SPATA9: variants seen among roughly 807,000 people sequenced by gnomAD.
SPATA9 encodes spermatogenesis-associated protein 9.
SPATA9 carries 27 observed loss-of-function variants against 25.5 expected under a neutral mutation model. That is an observed-to-expected ratio of 1.06 (90% confidence interval 0.78 to 1.46). SPATA9 has a LOEUF of 1.46. Ranked by LOEUF, SPATA9 falls within the 40% of genes most tolerant of loss-of-function variation. The probability of loss-of-function intolerance (pLI) is 0.00; values close to 1 mark genes in which losing one functional copy is unlikely to be tolerated. For synonymous variants in SPATA9, 102 were observed against 105.7 expected, an observed-to-expected ratio of 0.97 and a Z score of 0.21; for missense variants, 282 against 297.5, an observed-to-expected ratio of 0.95 and a Z score of 0.38.
chr5:95,728,168 T>C, the SPATA9 span, among the ~76,000 whole-genome samples: 1 of 152,232 alleles, frequency 6.6e-6, no homozygotes, highest in African/African-American at 2.4e-5. Context: ...GGTGAGTATG[T>C]AGCCAGGCTT....
chr5:95,670,531 C>A (rs1000440996), intron 3 of SPATA9: 3 of 152,226 alleles, frequency 2.0e-5, no homozygotes, highest in African/African-American at 7.2e-5. Context: ...CACTTACCTT[C>A]TTACAGCTAA....
the SPATA9 span, chr5:95,731,938 T>C: frequency 1.2e-6 from 2 of 1,614,104 alleles, no homozygotes; most frequent in Non-Finnish European, 1.7e-6. Flanking sequence ...TATCCGCACT[T>C]ACCTGGGGAG....
intron 1 of SPATA9, among the ~76,000 whole-genome samples, chr5:95,688,444 G>A (rs1392671412): frequency 1.3e-5 from 2 of 152,104 alleles, no homozygotes; most frequent in Non-Finnish European, 2.9e-5. Flanking sequence ...TAGAGATGGG[G>A]TCTGGCTATG....
chr5:95,689,453 A>AT (rs1204603036), intron 1 of SPATA9, among the ~76,000 whole-genome samples: 1 of 152,142 alleles, frequency 6.6e-6, no homozygotes, highest in African/African-American at 2.4e-5. Context: ...AATCCCTAAA[A>AT]TTTTTTTAAA....
At chr5:95,687,855 C>T (rs1252337842), upstream of SPATA9, among the ~76,000 whole-genome samples, 7 of 152,078 alleles carry the variant, frequency 4.6e-5, no homozygotes, top group Admixed American at 2.0e-4. Context: ...TTGTTTTGTT[C>T]GAGGGTGTAT....
At chr5:95,653,972 C>A (rs550418632), downstream of SPATA9, 9 of 1,028,884 alleles carry the variant, frequency 8.7e-6, no homozygotes, top group Non-Finnish European at 1.3e-5. Flanking sequence ...TTGAAAAGTC[C>A]GAACTATTCA....
upstream of SPATA9, among the ~76,000 whole-genome samples, chr5:95,687,672 A>T (rs530771839): frequency 6.6e-6 from 1 of 152,332 alleles, no homozygotes; most frequent in African/African-American, 2.4e-5. Context: ...GATGTCTTCA[A>T]ATAGTTATGG....
At chr5:95,655,657 A>ATCATATGC (rs1750705675), downstream of SPATA9, among the ~76,000 whole-genome samples, 3 of 152,328 alleles carry the variant, frequency 2.0e-5, 1 homozygote, top group South Asian at 6.2e-4. Flanking sequence ...TGCCTTTAGT[A>ATCATATGC]ACTCCTTTTG....
intron 2 of SPATA9, among the ~76,000 whole-genome samples, chr5:95,677,632 A>C (rs1311253107): frequency 6.6e-6 from 1 of 152,182 alleles, no homozygotes; most frequent in Non-Finnish European, 1.5e-5. Context: ...ACAATAACCA[A>C]CAACAACAAA....
At chr5:95,721,351 C>T in the SPATA9 span, among the ~76,000 whole-genome samples, 1 of 152,116 alleles carries the variant, frequency 6.6e-6, no homozygotes, top group Non-Finnish European at 1.5e-5. Context: ...TGGAGAGTGT[C>T]CTTGTCCTAC....
In SPATA9 at chr5:95,697,905, G is replaced by T. The variant is rs144111259; in HGVS notation, n.124+683C>A. 1.6e-3 allele frequency among the ~76,000 whole-genome samples: 221 copies of T among 139,814 alleles called. 1 individual carries two copies. Among genetic ancestry groups the T allele is most frequent in the African/African-American group, 5.5e-3 (209 of 38,090 alleles). The allele number at this position is 139,814 out of a possible 152,430, so 91.7% of individuals were successfully genotyped here. A position where few individuals can be genotyped will look rare whatever the true frequency, so the allele number is the denominator to read the frequency against. Reference sequence around the variant, plus strand: ...ACATTCCATGAAAATGACATTCCATGAAAAAAAAAAAAGCAGCTCACAGCT... The same window carrying T: ...ACATTCCATGAAAATGACATTCCATTAAAAAAAAAAAAGCAGCTCACAGCT... On this transcript the variant is annotated intron_variant and non_coding_transcript_variant, in intron 1 of 2. Coordinates refer to the SPATA9 transcript ENST00000379990.
rs202204112 is a variant in SPATA9, at chr5:95,682,871, G to C, written c.-17C>G. On this transcript the variant is annotated 5_prime_UTR_variant, in exon 1 of 5. Coordinates refer to ENST00000274432, the MANE Select transcript of SPATA9 (RefSeq NM_031952.4). ...GATTGGCATGGTGAGTTCTTGCTTG[G>C]GTTCCTAGTCCTTAACAAGCTTGCA... 4.6e-6 allele frequency: 7 copies of C among 1,509,542 alleles called. No individual in the cohort carries two copies. In the African/African-American group the frequency reaches 9.8e-5, roughly 21 times the overall value. The allele number at this position is 1,509,542 out of a possible 1,614,324, so 93.5% of individuals were successfully genotyped here.
upstream of SPATA9, among the ~76,000 whole-genome samples, chr5:95,702,167 A>G (rs1754194731): frequency 6.6e-6 from 1 of 152,096 alleles, no homozygotes; most frequent in Admixed American, 6.6e-5. Flanking sequence ...GGAGTAAAAC[A>G]TGACACCATA....
intron 1 of SPATA9, 84 bp from the exon 2 acceptor site, chr5:95,682,700 T>C: frequency 6.6e-7 from 1 of 1,511,126 alleles, no homozygotes; most frequent in Non-Finnish European, 9.0e-7. Context: ...CTTGATCAAA[T>C]TCCTAGATGA....
upstream of SPATA9, among the ~76,000 whole-genome samples, chr5:95,702,662 G>C (rs1250358854): frequency 6.6e-6 from 1 of 152,038 alleles, no homozygotes; most frequent in Non-Finnish European, 1.5e-5. Context: ...CACCACTAGA[G>C]ACCAGAAGTT....
chr5:95,658,838 C>T lies in SPATA9; in HGVS notation c.550G>A (p.Glu184Lys). ...QEEESIRQNR[E>K]ESENCRKAFS... ...GCTTTTCTACAATTTTCACTCTCCT[C>T]TCTGTTTTGCCTTATGGATTCTTCT... Residue 184 changes from glutamate to lysine, a missense_variant, in exon 5 of 5, where the codon GAG becomes AAG. Coordinates refer to ENST00000274432, the MANE Select transcript of SPATA9 (RefSeq NM_031952.4). 6.2e-7 allele frequency: 1 copy of T among 1,613,976 alleles called. No homozygotes were observed. Among genetic ancestry groups the T allele is most frequent in the Non-Finnish European group, 8.5e-7 (1 of 1,179,908 alleles).
chr5:95,663,317 A>G (rs901157582), intron 4 of SPATA9, among the ~76,000 whole-genome samples: 1 of 152,324 alleles, frequency 6.6e-6, no homozygotes, highest in Non-Finnish European at 1.5e-5. Context: ...AACTATCAGT[A>G]GTATTACAAG....
chr5:95,659,125 C>T (rs1012432862), intron 4 of SPATA9, among the ~76,000 whole-genome samples: 7 of 152,120 alleles, frequency 4.6e-5, no homozygotes, highest in Middle Eastern at 3.4e-3. Context: ...AATTTAAAAC[C>T]TAGTATGCTT....
At chr5:95,723,247 T>G in the SPATA9 span, among the ~76,000 whole-genome samples, 694 of 152,242 alleles carry the variant, frequency 4.6e-3, 3 homozygotes, top group Middle Eastern at 0.01. Context: ...CAAAAATTTG[T>G]GTTGGGCCAC....
Sources: gnomAD v4.1 joint callset for allele counts (sites outside exome capture counted in the v4.1 genomes callset) on GRCh38, gnomAD v4.1.1 for gene constraint, MANE v1.5 for transcripts, NCBI Gene and HGNC (gene_info 2026-07-23, HGNC 2026-07-21) for gene names.